The following NLGN1 variants were observed in gnomAD, a reference collection of about 807,000 sequenced individuals.
NLGN1 encodes neuroligin-1.
In NLGN1, 12 loss-of-function variants were observed where a neutral mutation model predicts 65.5. The ratio of observed to expected loss-of-function variants is 0.18; its 90% confidence interval spans 0.12 to 0.30. NLGN1 has a LOEUF of 0.30. Ranked by LOEUF, NLGN1 falls within the 10% of genes least tolerant of loss-of-function variation. NLGN1 has a pLI of 1.00. For synonymous variants in NLGN1, 350 were observed against 359.5 expected (o/e 0.97, Z 0.30); for missense variants, 750 against 1,007.1 (o/e 0.74, Z 3.46).
At chr3:174,154,374 A>G (rs745980988) in intron 4 of NLGN1, among the ~76,000 whole-genome samples, 7 of 152,080 alleles carry the variant, frequency 4.6e-5, no homozygotes, top group Non-Finnish European at 7.4e-5. Flanking sequence ...AATATTTCCC[A>G]TTTAATCTAG....
At chr3:173,633,879 C>T (rs1040801760) in intron 3 of NLGN1, among the ~76,000 whole-genome samples, 5 of 152,098 alleles carry the variant, frequency 3.3e-5, no homozygotes, top group Admixed American at 1.3e-4. Context: ...CTTTCTGATC[C>T]CCATAGCTTG....
chr3:173,602,388 A>G (rs543116591), intron 2 of NLGN1, among the ~76,000 whole-genome samples: 3 of 152,150 alleles, frequency 2.0e-5, no homozygotes, highest in South Asian at 2.1e-4. Context: ...GGTCAATACT[A>G]TAGTTCTCCA....
intron 4 of NLGN1, among the ~76,000 whole-genome samples, chr3:174,041,445 G>A (rs1315499546): frequency 6.6e-6 from 1 of 152,110 alleles, no homozygotes; most frequent in Non-Finnish European, 1.5e-5. Flanking sequence ...TGCTATGAGT[G>A]TTATTGTACA....
chr3:173,828,447 A>C (rs1338888886), intron 4 of NLGN1, among the ~76,000 whole-genome samples: 5 of 152,148 alleles, frequency 3.3e-5, no homozygotes, highest in Non-Finnish European at 7.4e-5. Context: ...TTCTGTGTTC[A>C]TCCAACAGAT....
intron 2 of NLGN1, among the ~76,000 whole-genome samples, chr3:173,586,252 A>T (rs1426100318): frequency 6.6e-6 from 1 of 152,240 alleles, no homozygotes; most frequent in Non-Finnish European, 1.5e-5. Context: ...CTTTAGAATA[A>T]AAGTGTTACC....
At chr3:174,142,264 A>G (rs1004659055) in intron 4 of NLGN1, among the ~76,000 whole-genome samples, 1 of 152,290 alleles carries the variant, frequency 6.6e-6, no homozygotes, top group South Asian at 2.1e-4. Context: ...TTGTTTTTCA[A>G]TACTAGGCAT....
At chr3:173,903,308 G>A (rs559850661) in intron 4 of NLGN1, among the ~76,000 whole-genome samples, 2 of 152,194 alleles carry the variant, frequency 1.3e-5, no homozygotes, top group African/African-American at 4.8e-5. Context: ...GAACAGACCA[G>A]ACTCAGCTAC....
rs1748721699 is a variant in NLGN1 at position 173,592,598 on chromosome 3, C to G, written c.-320-11681C>G. ...GCTGCAAGTTTAATTAAGCTAAAGCCTTCACAGAGGTCAAGCATCACAGAT... is the reference window on the plus strand; with the variant it reads ...GCTGCAAGTTTAATTAAGCTAAAGCGTTCACAGAGGTCAAGCATCACAGAT... On this transcript the variant is annotated intron_variant, in intron 2 of 6. Transcript: ENST00000457714. 2.6e-5 allele frequency among the ~76,000 whole-genome samples: 4 copies of G among 152,240 alleles called. No homozygotes were observed. The South Asian group carries it at 8.3e-4, about 32-fold the overall frequency.
chr3:174,175,346 A>G (rs936441049), intron 4 of NLGN1, among the ~76,000 whole-genome samples: 1 of 151,846 alleles, frequency 6.6e-6, no homozygotes, highest in African/African-American at 2.4e-5. Flanking sequence ...TACAATTATT[A>G]TATCCCCTTG....
At chr3:173,959,760 T>C (rs549236876) in intron 4 of NLGN1, among the ~76,000 whole-genome samples, 2 of 152,286 alleles carry the variant, frequency 1.3e-5, no homozygotes, top group East Asian at 3.9e-4. Context: ...TATCACAGTT[T>C]TGCTAGATTT....
intron 4 of NLGN1, among the ~76,000 whole-genome samples, chr3:174,211,066 G>C (rs1235993927): frequency 6.6e-6 from 1 of 152,148 alleles, no homozygotes; most frequent in Non-Finnish European, 1.5e-5. Flanking sequence ...TCTTCCTTCT[G>C]GTGGGTTCGT....
chr3:173,736,583 A>G (rs1578190160), intron 3 of NLGN1, among the ~76,000 whole-genome samples: 1 of 151,998 alleles, frequency 6.6e-6, no homozygotes, highest in Admixed American at 6.6e-5. Flanking sequence ...GTGACTTCTG[A>G]TGAAGTCCTC....
intron 2 of NLGN1, among the ~76,000 whole-genome samples, chr3:173,503,894 AT>A (rs111536971): frequency 3.3e-5 from 5 of 151,428 alleles, no homozygotes; most frequent in African/African-American, 7.3e-5. Flanking sequence ...CCTGACTGGG[AT>A]TTTTTTTTCT....
At chr3:173,580,544 A>G (rs550938311) in intron 2 of NLGN1, among the ~76,000 whole-genome samples, 1 of 152,164 alleles carries the variant, frequency 6.6e-6, no homozygotes, top group South Asian at 2.1e-4. Flanking sequence ...CTATTAAGTC[A>G]GTCATTTACT....
intron 3 of NLGN1, among the ~76,000 whole-genome samples, chr3:173,786,212 A>G (rs1469529685): frequency 4.6e-5 from 7 of 152,194 alleles, no homozygotes; most frequent in Non-Finnish European, 8.8e-5. Context: ...ATTAAATCTG[A>G]AAGGTATGTT....
intron 3 of NLGN1, among the ~76,000 whole-genome samples, chr3:173,777,612 T>C (rs1218840679): frequency 2.5e-5 from 3 of 118,770 alleles, no homozygotes; most frequent in African/African-American, 1.1e-4. Context: ...ATGTATTCTG[T>C]CTGTCTGTCT....
intron 2 of NLGN1, among the ~76,000 whole-genome samples, chr3:173,487,943 T>C (rs1576930005): frequency 6.6e-6 from 1 of 152,138 alleles, no homozygotes; most frequent in Non-Finnish European, 1.5e-5. Flanking sequence ...TGGTTACTGA[T>C]CCATTTGAAT....
intron 1 of NLGN1, among the ~76,000 whole-genome samples, chr3:173,409,923 A>AG (rs931924456): frequency 1.3e-5 from 2 of 152,110 alleles, no homozygotes; most frequent in Non-Finnish European, 2.9e-5. Context: ...AGGGACCTGT[A>AG]GGGGGGCCAA....
chr3:174,082,856 G>T (rs868520935), intron 4 of NLGN1, among the ~76,000 whole-genome samples: 1 of 152,032 alleles, frequency 6.6e-6, no homozygotes, highest in African/African-American at 2.4e-5. Flanking sequence ...AAGTAGCTGG[G>T]ATTACAGGCA....
Sources: allele counts gnomAD v4.1 joint callset (sites outside exome capture counted in the v4.1 genomes callset), GRCh38; gene constraint gnomAD v4.1.1; transcripts MANE v1.5; gene names NCBI Gene and HGNC (gene_info 2026-07-23, HGNC 2026-07-21).